HSPA4L: variants seen among roughly 807,000 people sequenced by gnomAD.
HSPA4L encodes heat shock 70 kDa protein 4L.
Under a neutral mutation model 100.3 loss-of-function variants are expected in HSPA4L, and 48 were observed. The observed-to-expected ratio is 0.48, with a 90% CI of 0.38 to 0.61. The LOEUF (loss-of-function observed/expected upper bound fraction) is 0.61, where lower values mean the gene tolerates loss of function less well. Ranked by LOEUF, HSPA4L falls within the 20% of genes least tolerant of loss-of-function variation. HSPA4L has a pLI of 0.00. For missense variants in HSPA4L, 886 were observed against 988.6 expected, an observed-to-expected ratio of 0.90 and a Z score of 1.39; for synonymous variants, 319 against 328.2, an observed-to-expected ratio of 0.97 and a Z score of 0.30.
chr4:127,822,189 C>T (rs1733831693), intron 14 of HSPA4L, among the ~76,000 whole-genome samples: 1 of 152,088 alleles, frequency 6.6e-6, no homozygotes, highest in African/African-American at 2.4e-5. Context: ...CTCCCTTCTC[C>T]CAGTTCCCTA....
At chr4:127,805,300 G>A (rs921886078) in intron 9 of HSPA4L, 76 bp downstream of exon 9, 16 of 1,129,372 alleles carry the variant, frequency 1.4e-5, no homozygotes, top group Admixed American at 9.5e-5. Flanking sequence ...GCCTTTTAAT[G>A]TTATCTGTTC....
intron 7 of HSPA4L, 32 bp from the exon 8 acceptor site, chr4:127,803,979 A>G: frequency 6.2e-7 from 1 of 1,611,866 alleles, no homozygotes; most frequent in Non-Finnish European, 8.5e-7. Flanking sequence ...TTTTAATCCC[A>G]GAATAATGAA....
At chr4:127,809,792 T>C (rs549932984) in intron 11 of HSPA4L, among the ~76,000 whole-genome samples, 79 of 152,176 alleles carry the variant, frequency 5.2e-4, no homozygotes, top group Admixed American at 1.0e-3. Flanking sequence ...GAATATATCA[T>C]GTCCACAGTA....
In HSPA4L at chr4:127,833,853, G is replaced by C. The variant is rs1734146672; in HGVS notation, c.*979G>C. The C allele has an allele frequency of 6.6e-6, 1 of 152,086 alleles. No individual in the cohort carries two copies. Among genetic ancestry groups the C allele is most frequent in the South Asian group, 2.1e-4 (1 of 4,830 alleles). 9.4% of individuals were successfully genotyped at this position (152,086 alleles called of 1,614,324 possible). ...TACCTTGTAGATTAAACACTATTAA[G>C]TGGTAATACTTGAAAAGGAGCACTT... is the stretch of plus-strand genomic sequence containing the variant. On this transcript the variant is annotated 3_prime_UTR_variant, in exon 19 of 19. Transcript: ENST00000296464.
In HSPA4L at chr4:127,801,955, T is replaced by A. The variant is rs1296831606; in HGVS notation, c.663+37T>A. Reference sequence around the variant, plus strand: ...CATGGTTTGTTATATTTACATATGTTAAGAACACAGACTAAAGAACCGTAA... The same window carrying A: ...CATGGTTTGTTATATTTACATATGTAAAGAACACAGACTAAAGAACCGTAA... On this transcript the variant is annotated intron_variant, in intron 6 of 18. Coordinates refer to ENST00000296464, the MANE Select transcript of HSPA4L (RefSeq NM_014278.4). The A allele has an allele frequency of 4.6e-6, 7 of 1,523,866 alleles. No homozygotes were observed. The East Asian group carries it at 1.6e-4, about 35-fold the overall frequency. The allele number at this position is 1,523,866 out of a possible 1,614,324, so 94.4% of individuals were successfully genotyped here.
chr4:127,820,420 AT>A lies in HSPA4L; in HGVS notation c.1675-5del. The A allele has an allele frequency of 6.4e-7, 1 of 1,571,938 alleles. No homozygotes were observed. The highest frequency in any genetic ancestry group is 8.6e-7 in the Non-Finnish European group (1 of 1,166,258). Reference sequence around the variant, plus strand: ...TTAGAAATTTATACTTCTCTTTCGGATTTGCAGTCAGCTGTCTCAGACAAAC... The same window carrying A: ...TTAGAAATTTATACTTCTCTTTCGGATTGCAGTCAGCTGTCTCAGACAAAC... On this transcript the variant is annotated splice_region_variant and splice_polypyrimidine_tract_variant and intron_variant, in intron 13 of 18. Transcript: ENST00000296464.
intron 11 of HSPA4L, among the ~76,000 whole-genome samples, chr4:127,808,776 A>G (rs1733434286): frequency 1.3e-5 from 2 of 152,192 alleles, no homozygotes; most frequent in Non-Finnish European, 2.9e-5. Flanking sequence ...TGCAAAAATT[A>G]GCTGGGTGTG....
Position 127,794,084 on chromosome 4 carries a change from A to ATATCATT in HSPA4L, c.116_122dup (p.Leu41PhefsTer38), listed in dbSNP as rs766994061. On this transcript the variant is annotated frameshift_variant, in exon 2 of 19. Coordinates refer to ENST00000296464, the MANE Select transcript of HSPA4L (RefSeq NM_014278.4). LOFTEE classifies it high-confidence loss of function. ...TTTGTTTTTCTGGTTTAGGGCCTGT[A>ATATCATT]TATCATTGGGATCAAGAACTCGAGC... 1 of 1,609,938 alleles carries ATATCATT rather than the reference A, an allele frequency of 6.2e-7. No individual in the cohort carries two copies. The highest frequency in any genetic ancestry group is 1.1e-5 in the South Asian group (1 of 90,554).
At chr4:127,803,283 T>C (rs1043531479) in intron 6 of HSPA4L, among the ~76,000 whole-genome samples, 4 of 152,180 alleles carry the variant, frequency 2.6e-5, no homozygotes, top group Non-Finnish European at 4.4e-5. Flanking sequence ...GGACTGTTTC[T>C]TTGCTCTCTT....
intron 11 of HSPA4L, chr4:127,809,232 A>G (rs547084413): frequency 3.6e-6 from 5 of 1,386,664 alleles, no homozygotes; most frequent in Non-Finnish European, 5.1e-6. Context: ...AGAACTGGAC[A>G]AAGAGAAAAG....
chr4:127,812,369 A>G (rs1733555205), intron 12 of HSPA4L, among the ~76,000 whole-genome samples: 1 of 150,418 alleles, frequency 6.6e-6, no homozygotes, highest in Admixed American at 6.7e-5. Flanking sequence ...AGATCGCACC[A>G]CTGCACTCCA....
chr4:127,839,570 A>G lies in HSPA4L; in HGVS notation c.*6696A>G, dbSNP rs1734314750. The G allele has an allele frequency of 6.6e-6, 1 of 151,280 alleles. No homozygotes were observed. Among genetic ancestry groups the G allele is most frequent in the Non-Finnish European group, 1.5e-5 (1 of 67,822 alleles). The allele number at this position is 151,280 out of a possible 1,614,324, so 9.4% of individuals were successfully genotyped here. Reference sequence around the variant, plus strand: ...TAGCCGGGTGTGGTGGTGTGTGCCTATAGTCCCAGCTATTCGGGAGGCTGA... The same window carrying G: ...TAGCCGGGTGTGGTGGTGTGTGCCTGTAGTCCCAGCTATTCGGGAGGCTGA... On this transcript the variant is annotated 3_prime_UTR_variant, in exon 19 of 19. Transcript: ENST00000296464.
chr4:127,782,216 G>A (rs1578681455), upstream of HSPA4L: 3 of 396,970 alleles, frequency 7.6e-6, no homozygotes, highest in African/African-American at 2.1e-5. Flanking sequence ...CCGAAGTCCG[G>A]GCCCGGAGCT....
Position 127,794,008 on chromosome 4 carries a change from G to A in HSPA4L, c.108-69G>A, listed in dbSNP as rs1054475388. On this transcript the variant is annotated intron_variant, in intron 1 of 18. Transcript: ENST00000296464. Reference sequence around the variant, plus strand: ...TCCTTTTAAATTCATTTTCTTATAAGGAGAAGCAAAATAATAGCACAATAA... The same window carrying A: ...TCCTTTTAAATTCATTTTCTTATAAAGAGAAGCAAAATAATAGCACAATAA... 1.0e-5 allele frequency: 11 copies of A among 1,065,340 alleles called. No individual in the cohort carries two copies. The Admixed American group carries it at 1.1e-4, about 11-fold the overall frequency. The allele number at this position is 1,065,340 out of a possible 1,614,324, so 66.0% of individuals were successfully genotyped here. A position where few individuals can be genotyped will look rare whatever the true frequency, so the allele number is the denominator to read the frequency against.
chr4:127,805,135 G>A lies in HSPA4L; in HGVS notation c.1048G>A (p.Val350Met). Residue 350 changes from valine to methionine, a missense_variant, in exon 9 of 19, where the codon GTG becomes ATG. Transcript: ENST00000296464. ...IVGGATRIPA[V>M]KEQITKFFLK... Reference sequence around the variant, plus strand: ...AGGAGGAGCAACACGAATTCCTGCAGTGAAAGAACAAATCACTAAATTCTT... The same window carrying A: ...AGGAGGAGCAACACGAATTCCTGCAATGAAAGAACAAATCACTAAATTCTT... The A allele has an allele frequency of 6.2e-7, 1 of 1,611,942 alleles. No individual in the cohort carries two copies.
intron 10 of HSPA4L, 83 bp downstream of exon 10, chr4:127,805,876 A>G: frequency 1.2e-6 from 1 of 837,464 alleles, no homozygotes; most frequent in South Asian, 2.1e-5. Flanking sequence ...AGAGAAATTT[A>G]CGCTTCTTAA....
At position 127,782,570 on chromosome 4, in the gene HSPA4L, A is replaced by T; in HGVS notation, c.20A>T (p.Asp7Val). ...GGCGGGATGTCTGTGGTTGGCATTG[A>T]CCTCGGCTTTCTCAACTGCTACATT... is the stretch of plus-strand genomic sequence containing the variant. The part of the protein sequence containing the change: MSVVGI[D>V]LGFLNCYIAV... Residue 7 changes from aspartate (D) to valine (V), a missense_variant, in exon 1 of 19, where the codon GAC becomes GTC. Asp to Val is a radical substitution (Grantham distance 152, BLOSUM62 -3). Transcript: ENST00000296464. 2 of 1,613,770 alleles carry T rather than the reference A, an allele frequency of 1.2e-6. No individual in the cohort carries two copies. Among genetic ancestry groups the T allele is most frequent in the Middle Eastern group, 1.6e-4 (1 of 6,062 alleles).
chr4:127,829,840 A>G (rs1439436553), intron 17 of HSPA4L, among the ~76,000 whole-genome samples: 4 of 152,026 alleles, frequency 2.6e-5, no homozygotes, highest in Non-Finnish European at 5.9e-5. Flanking sequence ...AAACTTAAAA[A>G]GTGATCCATG....
At chr4:127,783,751 G>T in intron 1 of HSPA4L, 1 of 1,355,482 alleles carries the variant, frequency 7.4e-7, no homozygotes, top group Non-Finnish European at 1.0e-6. Context: ...CTAAAACAAG[G>T]TCAGTGTCCA....
Sources: allele counts gnomAD v4.1 joint callset (sites outside exome capture counted in the v4.1 genomes callset), GRCh38; gene constraint gnomAD v4.1.1; transcripts MANE v1.5; gene names NCBI Gene and HGNC (gene_info 2026-07-23, HGNC 2026-07-21).